Variants in C16orf95 observed in about 807,000 individuals in gnomAD.
C16orf95 encodes chromosome 16 open reading frame 95.
A neutral mutation model predicts 32.1 loss-of-function variants in C16orf95; 41 were observed. The observed-to-expected ratio is 1.28, with a 90% CI of 1.00 to 1.66. The LOEUF (loss-of-function observed/expected upper bound fraction) is 1.66. Among genes scored for constraint, C16orf95 ranks in the 40% most tolerant of loss-of-function variants. The pLI is 0.00. For synonymous variants in C16orf95, 147 were observed against 128.9 expected (o/e 1.14, Z -0.95); for missense variants, 399 against 325.9 (o/e 1.22, Z -1.73).
rs1452859988 is a variant in C16orf95 at position 87,305,920 on chromosome 16, G to T, written c.515-15C>A. The T allele has an allele frequency of 7.1e-7, 1 of 1,409,004 alleles. No individual in the cohort carries two copies. Among genetic ancestry groups the T allele is most frequent in the South Asian group, 1.5e-5 (1 of 67,052 alleles). 87.3% of individuals were successfully genotyped at this position (1,409,004 alleles called of 1,614,324 possible). A position where few individuals can be genotyped will look rare whatever the true frequency, so the allele number is the denominator to read the frequency against. ...CAGCAGGGGTGCTAGGCAAAGAAAA[G>T]GTGGGTTGAGGACAGGGCGTGTTCT... is the stretch of plus-strand genomic sequence containing the variant. On this transcript the variant is annotated splice_polypyrimidine_tract_variant and intron_variant, in intron 5 of 6. Transcript: ENST00000567970. The surrounding 1 kb of genome is among the most constrained non-coding windows in gnomAD (Gnocchi z 4.2).
At chr16:87,310,181 G>A in intron 5 of C16orf95, 116 bp downstream of exon 5, 1 of 1,049,384 alleles carries the variant, frequency 9.5e-7, no homozygotes, top group South Asian at 1.4e-5. Context: ...TCATGTCACT[G>A]TCACACTGTG....
Position 87,305,502 on chromosome 16 carries a change from G to A in C16orf95, c.701+217C>T, listed in dbSNP as rs377265206. The stretch of plus-strand genomic sequence containing the variant: ...GGTGGAAGTGCCCCACGAGGCCCCC[G>A]CCGCCCCCAGGCTGCCCTGGCATCT... On this transcript the variant is annotated intron_variant, in intron 6 of 6. Transcript: ENST00000567970. This position sits in a 1 kb window ranked among gnomAD's most constrained non-coding sequence, Gnocchi z 4.2. Among the ~76,000 whole-genome samples the A allele has an allele frequency of 1.1e-4, 16 of 148,916 alleles. No individual in the cohort carries two copies. Among genetic ancestry groups the A allele is most frequent in the African/African-American group, 1.7e-4 (7 of 40,966 alleles).
intron 3 of C16orf95, among the ~76,000 whole-genome samples, chr16:87,312,406 T>C (rs572703595): frequency 1.1e-4 from 17 of 151,990 alleles, no homozygotes; most frequent in African/African-American, 3.9e-4. Flanking sequence ...CCATCTCTAC[T>C]AAAAATACAA....
In C16orf95 at chr16:87,303,072, C is replaced by T. The variant is rs1437461799; in HGVS notation, c.705G>A (p.Gln235=). ...AIPRVIMAIR[Q]CFGV Reference sequence around the variant, plus strand: ...GATTCCAACTTCAAACCCCAAAACACTGGCTGGAAAGCAAAGAGAGACAGT... The same window carrying T: ...GATTCCAACTTCAAACCCCAAAACATTGGCTGGAAAGCAAAGAGAGACAGT... The change falls in exon 7 of 7, where the codon CAG becomes CAA. Residue 235 remains glutamine (Q), a synonymous_variant. Coordinates refer to ENST00000567970, the MANE Select transcript of C16orf95 (RefSeq NM_001195124.3). The T allele has an allele frequency of 6.5e-7, 1 of 1,535,996 alleles. No individual in the cohort carries two copies. Among genetic ancestry groups the T allele is most frequent in the African/African-American group, 1.4e-5 (1 of 73,060 alleles).
At position 87,305,411 on chromosome 16, in the gene C16orf95, T is replaced by G. The variant is rs552942048; in HGVS notation, c.701+308A>C. ...TCAACCCCAACATAACAATGAAAAT[T>G]TATGGAAACTGGGACCCGTGTCCTT... On this transcript the variant is annotated intron_variant, in intron 6 of 6. Transcript: ENST00000567970. The surrounding 1 kb of genome is among the most constrained non-coding windows in gnomAD (Gnocchi z 4.2). 6.6e-6 allele frequency among the ~76,000 whole-genome samples: 1 copy of G among 151,418 alleles called. No individual in the cohort carries two copies. Among genetic ancestry groups the G allele is most frequent in the Admixed American group, 6.6e-5 (1 of 15,192 alleles).
At chr16:87,311,072 C>A in intron 4 of C16orf95, 78 bp downstream of exon 4, 1 of 1,330,180 alleles carries the variant, frequency 7.5e-7, no homozygotes, top group Non-Finnish European at 9.9e-7. Flanking sequence ...CCCTCTTCCC[C>A]TTCTTCCTCC....
intron 5 of C16orf95, among the ~76,000 whole-genome samples, chr16:87,308,475 T>A (rs1027560945): frequency 7.5e-5 from 10 of 133,328 alleles, no homozygotes; most frequent in African/African-American, 2.5e-4. Context: ...AGACTGCATC[T>A]CAATAAATAA....
At chr16:87,311,399 G>T in intron 3 of C16orf95, 103 bp from the exon 4 acceptor site, 2 of 1,269,756 alleles carry the variant, frequency 1.6e-6, no homozygotes, top group Non-Finnish European at 1.1e-6. Flanking sequence ...CCCTGGCTGG[G>T]TCTTAGTATC....
chr16:87,314,405 C>T (rs1904301884), intron 3 of C16orf95, among the ~76,000 whole-genome samples: 3 of 152,142 alleles, frequency 2.0e-5, no homozygotes, highest in South Asian at 4.1e-4. Flanking sequence ...AGAAGCCAGA[C>T]AAAAGAGTAC....
At chr16:87,309,514 G>A (rs1314785120) in intron 5 of C16orf95, among the ~76,000 whole-genome samples, 1 of 150,110 alleles carries the variant, frequency 6.7e-6, no homozygotes, top group East Asian at 2.0e-4. Flanking sequence ...CTCCTAAGTA[G>A]CTGGGACTAC....
chr16:87,311,267 G>A lies in C16orf95; in HGVS notation c.360C>T (p.Pro120=). The A allele has an allele frequency of 2.0e-6, 3 of 1,535,292 alleles. No individual in the cohort carries two copies. The highest frequency in any genetic ancestry group is 2.6e-6 in the Non-Finnish European group (3 of 1,146,288). Residue 120 remains proline (P), a synonymous_variant, in exon 4 of 7, where the codon CCC becomes CCT. Transcript: ENST00000567970. Reference sequence around the variant, plus strand: ...GGCAGGGGCACATCTTGGCGGTTTGGGGGATAGGAAATTGAACCGTCTTTT... The same window carrying A: ...GGCAGGGGCACATCTTGGCGGTTTGAGGGATAGGAAATTGAACCGTCTTTT... The part of the protein sequence containing the change: ...QSQKTVQFPI[P]QTAKMCPCLC...
chr16:87,315,784 G>C lies in C16orf95; in HGVS notation c.192C>G (p.Leu64=). The C allele has an allele frequency of 6.5e-7, 1 of 1,530,882 alleles. No homozygotes were observed. Among genetic ancestry groups the C allele is most frequent in the Non-Finnish European group, 8.7e-7 (1 of 1,144,176 alleles). 94.8% of individuals were successfully genotyped at this position (1,530,882 alleles called of 1,614,324 possible). ...TFQTYKKEVC[L]PRHSMHPGPW... ...TTGCTTTCCTTACCGAATGACGGGGGAGGCACACTTCTTTCTTGTAGGTTT... is the reference window on the plus strand; with the variant it reads ...TTGCTTTCCTTACCGAATGACGGGGCAGGCACACTTCTTTCTTGTAGGTTT... Residue 64 remains leucine (L), a synonymous_variant, in exon 2 of 7, where the codon CTC becomes CTG. Coordinates refer to ENST00000567970, the MANE Select transcript of C16orf95 (RefSeq NM_001195124.3).
rs891205988 is a variant in C16orf95 at position 87,303,804 on chromosome 16, A to G, written c.702-729T>C. 1.7e-4 allele frequency: 26 copies of G among 152,408 alleles called. 1 individual carries two copies. The highest frequency in any genetic ancestry group is 6.3e-4 in the African/African-American group (26 of 41,552). 9.4% of individuals were successfully genotyped at this position (152,408 alleles called of 1,614,324 possible). The stretch of plus-strand genomic sequence containing the variant: ...GCAGGCGGGTCTCCACCTGGACTGC[A>G]CTTCTGGGGAACTTCAAAACAAGAG... On this transcript the variant is annotated intron_variant, in intron 6 of 6. Transcript: ENST00000567970.
chr16:87,309,128 G>T (rs949422668), intron 5 of C16orf95, among the ~76,000 whole-genome samples: 1 of 152,092 alleles, frequency 6.6e-6, no homozygotes, highest in Non-Finnish European at 1.5e-5. Context: ...GTTTACCATT[G>T]TTCCACTCAA....
chr16:87,304,643 G>A (rs111500475), intron 6 of C16orf95, among the ~76,000 whole-genome samples: 5,872 of 152,254 alleles, frequency 0.039, 333 homozygotes, highest in African/African-American at 0.12. Flanking sequence ...AGAGGCTGGC[G>A]CCCAGGCCCA....
chr16:87,309,284 T>A (rs1468030307), intron 5 of C16orf95, among the ~76,000 whole-genome samples: 3 of 151,688 alleles, frequency 2.0e-5, no homozygotes, highest in African/African-American at 4.8e-5. Flanking sequence ...TAAGTTAGTA[T>A]CAGTTTAGTT....
chr16:87,305,815 G>C lies in C16orf95; in HGVS notation c.605C>G (p.Pro202Arg), dbSNP rs1365205062. 4 of 1,505,656 alleles carry C rather than the reference G, an allele frequency of 2.7e-6. No homozygotes were observed. The highest frequency in any genetic ancestry group is 3.5e-6 in the Non-Finnish European group (4 of 1,133,070). The allele number at this position is 1,505,656 out of a possible 1,614,324, so 93.3% of individuals were successfully genotyped here. The change falls in exon 6 of 7, where the codon CCC becomes CGC. Residue 202 changes from proline (P) to arginine (R), a missense_variant. By Grantham distance (103) the Pro-to-Arg change is moderately radical. Coordinates refer to ENST00000567970, the MANE Select transcript of C16orf95 (RefSeq NM_001195124.3). This position sits in a 1 kb window ranked among gnomAD's most constrained non-coding sequence, Gnocchi z 4.2. The stretch of plus-strand genomic sequence containing the variant: ...AGGAGCCGGTAGCTGGTCCTGGTAG[G>C]GGGCCTGGAGCTGCTGGAACTTGGA... ...LLSKFQQLQA[P>R]YQDQLPAPAA...
intron 3 of C16orf95, among the ~76,000 whole-genome samples, chr16:87,312,117 T>G (rs552206336): frequency 6.6e-6 from 1 of 152,318 alleles, no homozygotes; most frequent in South Asian, 2.1e-4. Context: ...AGCCCACCCT[T>G]GGCACTGTGA....
intron 3 of C16orf95, among the ~76,000 whole-genome samples, chr16:87,312,656 A>T (rs371002830): frequency 3.3e-5 from 5 of 152,194 alleles, no homozygotes; most frequent in South Asian, 2.1e-4. Flanking sequence ...GTCTCCTCTC[A>T]CTGCTCTCTT....
Sources: allele counts gnomAD v4.1 joint callset (sites outside exome capture counted in the v4.1 genomes callset), GRCh38; gene constraint gnomAD v4.1.1; non-coding constraint Gnocchi (gnomAD v3.1); transcripts MANE v1.5; gene names NCBI Gene and HGNC (gene_info 2026-07-23, HGNC 2026-07-21).